The following SLC34A1 variants were observed in gnomAD, a reference collection of about 807,000 sequenced individuals.
The protein encoded by SLC34A1 is sodium-dependent phosphate transport protein 2A.
A neutral mutation model predicts 51.4 loss-of-function variants in SLC34A1; 57 were observed. That is an observed-to-expected ratio of 1.11 (90% CI 0.90 to 1.38). The LOEUF is 1.38. Ranked by LOEUF, SLC34A1 falls within the 40% of genes most tolerant of loss-of-function variation. The probability of loss-of-function intolerance (pLI) is 0.00; values close to 1 mark genes in which losing one functional copy is unlikely to be tolerated. For missense variants in SLC34A1, 796 were observed against 835.6 expected, an observed-to-expected ratio of 0.95 and a Z score of 0.58; for synonymous variants, 368 against 358.0, an observed-to-expected ratio of 1.03 and a Z score of -0.32.
At chr5:177,387,369 T>G (rs1191203297) in intron 5 of SLC34A1, among the ~76,000 whole-genome samples, 1 of 152,040 alleles carries the variant, frequency 6.6e-6, no homozygotes, top group Non-Finnish European at 1.5e-5. Flanking sequence ...CACTCCAGCC[T>G]GGGCGACAGA....
chr5:177,389,416 G>C (rs549558878), intron 8 of SLC34A1, among the ~76,000 whole-genome samples: 1 of 151,478 alleles, frequency 6.6e-6, no homozygotes, highest in Non-Finnish European at 1.5e-5. Context: ...ACCCTGGTGC[G>C]AACAGAAAAC....
chr5:177,388,468 AT>A lies in SLC34A1; in HGVS notation c.936+99del. The A allele has an allele frequency of 9.1e-7, 1 of 1,104,874 alleles. No individual in the cohort carries two copies. Among genetic ancestry groups the A allele is most frequent in the Non-Finnish European group, 1.4e-6 (1 of 734,206 alleles). The allele number at this position is 1,104,874 out of a possible 1,614,324, so 68.4% of individuals were successfully genotyped here. ...ATGCTCCAGATAGACCTTGAAGATC[AT>A]TTAGCCAGGAGAGGGCAAATATGTG... On this transcript the variant is annotated intron_variant, in intron 8 of 12. Coordinates refer to ENST00000324417, the MANE Select transcript of SLC34A1 (RefSeq NM_003052.5). The surrounding 1 kb of genome is among the most constrained non-coding windows in gnomAD (Gnocchi z 4.3).
rs1210251963 is a variant in SLC34A1, at chr5:177,388,860, T to G, written c.936+488T>G. 6.6e-6 allele frequency among the ~76,000 whole-genome samples: 1 copy of G among 152,142 alleles called. No individual in the cohort carries two copies. The highest frequency in any genetic ancestry group is 1.5e-5 in the Non-Finnish European group (1 of 68,018). On this transcript the variant is annotated intron_variant, in intron 8 of 12. Coordinates refer to ENST00000324417, the MANE Select transcript of SLC34A1 (RefSeq NM_003052.5). This position sits in a 1 kb window ranked among gnomAD's most constrained non-coding sequence, Gnocchi z 4.3. ...AGGCTAAGAAACGTGCCAGAGCTTA[T>G]CCTACCATGTCAGGGCCTGAGCACC...
At chr5:177,395,154 A>C in intron 10 of SLC34A1, among the ~76,000 whole-genome samples, 1 of 152,122 alleles carries the variant, frequency 6.6e-6, no homozygotes, top group South Asian at 2.1e-4. Flanking sequence ...CCTGTGCAAC[A>C]GAGTTCAAAA....
At chr5:177,387,950 T>G in intron 6 of SLC34A1, 44 bp from the exon 7 acceptor site, 1 of 1,610,948 alleles carries the variant, frequency 6.2e-7, no homozygotes, top group Non-Finnish European at 8.5e-7. Context: ...GGCGTGACTG[T>G]GCACTGGCTC....
Position 177,388,107 on chromosome 5 carries a change from C to G in SLC34A1, c.758C>G (p.Ala253Gly), listed in dbSNP as rs750945199. The change falls in exon 7 of 13, where the codon GCC (alanine) becomes GGC (glycine). Residue 253 changes from alanine to glycine, a missense_variant. Transcript: ENST00000324417. The surrounding 1 kb of genome is among the most constrained non-coding windows in gnomAD (Gnocchi z 4.3). ...YLHHITRLVV[A>G]SFNIHGGRDA... ...CACCACATCACTCGACTTGTGGTGG[C>G]CTCCTTCAACATCCATGGTGGCCGT... 5 of 1,614,084 alleles carry G rather than the reference C, an allele frequency of 3.1e-6. No individual in the cohort carries two copies. The highest frequency in any genetic ancestry group is 4.2e-6 in the Non-Finnish European group (5 of 1,180,004).
At chr5:177,394,688 CTTTTTTT>C (rs34736156) in intron 10 of SLC34A1, among the ~76,000 whole-genome samples, 14 of 105,100 alleles carry the variant, frequency 1.3e-4, no homozygotes, top group African/African-American at 4.4e-4. Context: ...GAGACTTTGT[CTTTTTTT>C]TTTTTTTTTT....
At chr5:177,394,688 C>CTTTT (rs34736156) in intron 10 of SLC34A1, among the ~76,000 whole-genome samples, 44 of 105,092 alleles carry the variant, frequency 4.2e-4, no homozygotes, top group African/African-American at 1.5e-3. Flanking sequence ...GAGACTTTGT[C>CTTTT]TTTTTTTTTT....
chr5:177,385,835 G>T lies in SLC34A1; in HGVS notation c.94G>T (p.Val32Leu). The T allele has an allele frequency of 6.2e-7, 1 of 1,613,546 alleles. No individual in the cohort carries two copies. The highest frequency in any genetic ancestry group is 8.5e-7 in the Non-Finnish European group (1 of 1,179,876). ...HVMRGTAFAY[V>L]PSPQVLHRIP... ...GATGCGAGGGACGGCCTTTGCCTACGTGCCCAGCCCTCAGGGTAAGTGCTG... is the reference window on the plus strand; with the variant it reads ...GATGCGAGGGACGGCCTTTGCCTACTTGCCCAGCCCTCAGGGTAAGTGCTG... The change falls in exon 2 of 13, where the codon GTG becomes TTG. Residue 32 changes from valine to leucine, a missense_variant. Coordinates refer to ENST00000324417, the MANE Select transcript of SLC34A1 (RefSeq NM_003052.5).
At position 177,386,369 on chromosome 5, in the gene SLC34A1, G is replaced by C. The variant is rs201311193; in HGVS notation, c.388+20G>C. The C allele has an allele frequency of 3.8e-5, 62 of 1,614,132 alleles. No individual in the cohort carries two copies. The highest frequency in any genetic ancestry group is 2.5e-5 in the Non-Finnish European group (29 of 1,180,048). On this transcript the variant is annotated intron_variant, in intron 4 of 12. Coordinates refer to ENST00000324417, the MANE Select transcript of SLC34A1 (RefSeq NM_003052.5). The surrounding 1 kb of genome is among the most constrained non-coding windows in gnomAD (Gnocchi z 4.8). The stretch of plus-strand genomic sequence containing the variant: ...CTGGAGGTAGGGCCCGGGTGGAGGA[G>C]ACCTGGGAGGGGTTCCTGAAGGGCC...
In SLC34A1 at chr5:177,397,921, C is replaced by T. The variant is rs1763025199; in HGVS notation, c.1555C>T (p.Leu519Phe). 6.2e-7 allele frequency: 1 copy of T among 1,613,962 alleles called. No homozygotes were observed. The highest frequency in any genetic ancestry group is 8.5e-7 in the Non-Finnish European group (1 of 1,180,044). ...AKYRWFAVLY[L>F]LVCFLLLPSL... ...GTACCGCTGGTTTGCCGTCCTCTAT[C>T]TCCTTGTCTGCTTCCTGCTGCTGCC... Residue 519 changes from leucine (L) to phenylalanine (F), a missense_variant, in exon 13 of 13, where the codon CTC becomes TTC. Physicochemically the swap from Leu to Phe is conservative, Grantham distance 22. Transcript: ENST00000324417.
intron 5 of SLC34A1, among the ~76,000 whole-genome samples, chr5:177,387,185 A>G (rs1762610503): frequency 6.6e-6 from 1 of 151,674 alleles, no homozygotes; most frequent in African/African-American, 2.4e-5. Context: ...CCTGGCTAAC[A>G]CGGTGAAACC....
chr5:177,392,415 A>G (rs1031972576), intron 8 of SLC34A1, among the ~76,000 whole-genome samples: 1 of 152,170 alleles, frequency 6.6e-6, no homozygotes, highest in African/African-American at 2.4e-5. Context: ...GTGAGCCGAG[A>G]TTGTGCCACT....
At chr5:177,390,023 G>A (rs1014132081) in intron 8 of SLC34A1, 46 of 1,301,904 alleles carry the variant, frequency 3.5e-5, no homozygotes, top group Non-Finnish European at 4.4e-5. Flanking sequence ...GAAGGAGTGT[G>A]ACTCACACAG....
At chr5:177,397,579 C>G in intron 12 of SLC34A1, 1 of 655,128 alleles carries the variant, frequency 1.5e-6, no homozygotes, top group Non-Finnish European at 2.6e-6. Context: ...TAGTTATTTA[C>G]CAACTGGTCT....
chr5:177,387,096 C>T (rs190116082), intron 5 of SLC34A1, among the ~76,000 whole-genome samples: 105 of 152,084 alleles, frequency 6.9e-4, no homozygotes, highest in Admixed American at 1.6e-3. Context: ...ACTGGCCGGG[C>T]GCAGTGGCTC....
intron 1 of SLC34A1, 27 bp from the exon 2 acceptor site, chr5:177,385,668 G>A (rs1762535162): frequency 6.4e-6 from 7 of 1,088,298 alleles, no homozygotes; most frequent in South Asian, 5.3e-5. Context: ...GGGCATGAGT[G>A]TCCCGGACAC....
Position 177,398,325 on chromosome 5 carries a change from T to A in SLC34A1, c.*39T>A. Reference sequence around the variant, plus strand: ...ACTACAGCCTGGAATGGGGAAGGCCTGGGGTGGAAAGGCAGGGGAGGGAGG... The same window carrying A: ...ACTACAGCCTGGAATGGGGAAGGCCAGGGGTGGAAAGGCAGGGGAGGGAGG... On this transcript the variant is annotated 3_prime_UTR_variant, in exon 13 of 13. Coordinates refer to ENST00000324417, the MANE Select transcript of SLC34A1 (RefSeq NM_003052.5). This position sits in a 1 kb window ranked among gnomAD's most constrained non-coding sequence, Gnocchi z 4.7. 6.3e-7 allele frequency: 1 copy of A among 1,598,194 alleles called. No homozygotes were observed. Among genetic ancestry groups the A allele is most frequent in the Middle Eastern group, 1.8e-4 (1 of 5,534 alleles).
In SLC34A1 at chr5:177,388,342, C is replaced by G; in HGVS notation, c.906C>G (p.Ile302Met). The G allele has an allele frequency of 6.2e-7, 1 of 1,614,166 alleles. No individual in the cohort carries two copies. The highest frequency in any genetic ancestry group is 8.5e-7 in the Non-Finnish European group (1 of 1,180,028). ...AGTCCCTGAGGAACCACAGTCTCAT[C>G]CAGATCTGGTGCCACCCAGACTCCT... ...GDESLRNHSL[I>M]QIWCHPDSLQ... The change falls in exon 8 of 13, where the codon ATC (isoleucine) becomes ATG (methionine). Residue 302 changes from isoleucine (I) to methionine (M), a missense_variant. Transcript: ENST00000324417. The surrounding 1 kb of genome is among the most constrained non-coding windows in gnomAD (Gnocchi z 4.3).
Sources: allele counts gnomAD v4.1 joint callset (sites outside exome capture counted in the v4.1 genomes callset), GRCh38; gene constraint gnomAD v4.1.1; non-coding constraint Gnocchi (gnomAD v3.1); transcripts MANE v1.5; gene names NCBI Gene and HGNC (gene_info 2026-07-23, HGNC 2026-07-21).